The following C5 variants were observed in gnomAD, a reference collection of about 807,000 sequenced individuals.
The protein encoded by C5 is C3 and PZP-like alpha-2-macroglobulin domain-containing protein 4.
Under a neutral mutation model 218.8 loss-of-function variants are expected in C5, and 140 were observed. That is an observed-to-expected ratio of 0.64 (90% CI 0.56 to 0.74). C5 has a LOEUF of 0.74. C5 is among the 30% of genes least tolerant of loss of function. The probability of loss-of-function intolerance (pLI) is 0.00; values close to 1 mark genes in which losing one functional copy is unlikely to be tolerated. For synonymous variants in C5, 614 were observed against 682.3 expected, an observed-to-expected ratio of 0.90 and a Z score of 1.56; for missense variants, 1,700 against 1,969.6, an observed-to-expected ratio of 0.86 and a Z score of 2.59.
intron 12 of C5, among the ~76,000 whole-genome samples, chr9:121,019,065 T>A (rs1039996893): frequency 6.6e-6 from 1 of 151,630 alleles, no homozygotes. Flanking sequence ...TAAAAAAAAA[T>A]AGATGAATAA....
rs1220805457 is a variant in C5, at chr9:121,030,383, A to T, written c.758+14T>A. The T allele has an allele frequency of 6.0e-6, 8 of 1,324,190 alleles. No individual in the cohort carries two copies. Among genetic ancestry groups the T allele is most frequent in the Non-Finnish European group, 8.4e-6 (8 of 954,248 alleles). The allele number at this position is 1,324,190 out of a possible 1,614,324, so 82.0% of individuals were successfully genotyped here. ...AAATAAAAATAAAAACAACAAAAAA[A>T]CAAATGTTCTTACCTTGCTTTTATA... On this transcript the variant is annotated intron_variant, in intron 7 of 40. Transcript: ENST00000223642.
intron 4 of C5, among the ~76,000 whole-genome samples, chr9:121,037,069 T>C (rs1262461950): frequency 6.6e-6 from 1 of 152,036 alleles, no homozygotes; most frequent in African/African-American, 2.4e-5. Flanking sequence ...CTGTTACATA[T>C]GTCATGTCTG....
chr9:121,057,821 T>C, the C5 span, among the ~76,000 whole-genome samples: 1 of 152,136 alleles, frequency 6.6e-6, no homozygotes, highest in African/African-American at 2.4e-5. Context: ...AGAATCCTTT[T>C]TAGAAGGCAC....
At chr9:120,991,393 A>C (rs1042339590) in intron 22 of C5, 113 bp from the exon 23 acceptor site, 1 of 694,648 alleles carries the variant, frequency 1.4e-6, no homozygotes, top group African/African-American at 1.8e-5. Context: ...ACTTATAATT[A>C]GACTATTAAA....
intron 25 of C5, 37 bp downstream of exon 25, chr9:120,989,009 C>T: frequency 1.4e-6 from 2 of 1,412,044 alleles, no homozygotes; most frequent in Non-Finnish European, 2.0e-6. Flanking sequence ...GTTAATTAAC[C>T]ACTATATGAA....
In C5 at chr9:121,003,239, C is replaced by T. The variant is rs917097060; in HGVS notation, c.2562+2680G>A. ...TTGGGAAGCGGAGGCTGCAGTGAAC[C>T]GAGATTGTGCCATTGCACTCCAGCC... On this transcript the variant is annotated intron_variant, in intron 20 of 40. Coordinates refer to ENST00000223642, the MANE Select transcript of C5 (RefSeq NM_001735.3). Among the ~76,000 whole-genome samples, 15 of 151,660 alleles carry T rather than the reference C, an allele frequency of 9.9e-5. 1 individual carries two copies. Among genetic ancestry groups the T allele is most frequent in the Middle Eastern group, 6.8e-3 (2 of 294 alleles).
intron 12 of C5, among the ~76,000 whole-genome samples, chr9:121,019,644 C>T (rs35278247): frequency 5.3e-5 from 8 of 152,160 alleles, no homozygotes; most frequent in South Asian, 2.1e-4. Context: ...ATCAGGTTCT[C>T]GCTTTGGAAT....
chr9:121,052,316 G>A (rs1421033450), upstream of C5, among the ~76,000 whole-genome samples: 1 of 151,912 alleles, frequency 6.6e-6, no homozygotes, highest in Non-Finnish European at 1.5e-5. Flanking sequence ...AATTAGCCAG[G>A]CGTGGTGGCG....
At chr9:120,966,562 C>T (rs1228160377) in intron 33 of C5, among the ~76,000 whole-genome samples, 3 of 152,158 alleles carry the variant, frequency 2.0e-5, no homozygotes, top group South Asian at 2.1e-4. Flanking sequence ...GGCACTGATT[C>T]GAGCTCTGCC....
chr9:120,957,510 C>A, intron 38 of C5, 142 bp from the exon 39 acceptor site: 1 of 658,708 alleles, frequency 1.5e-6, no homozygotes, highest in Non-Finnish European at 2.8e-6. Context: ...AAGCCTTCCC[C>A]AATCCCCTCA....
chr9:121,002,286 A>ATGTG (rs2047175201), intron 20 of C5, among the ~76,000 whole-genome samples: 1 of 115,932 alleles, frequency 8.6e-6, no homozygotes, highest in Non-Finnish European at 1.8e-5. Context: ...ATATACGTAT[A>ATGTG]TATGTATATA....
intron 12 of C5, among the ~76,000 whole-genome samples, chr9:121,018,430 C>T (rs1429504583): frequency 6.6e-6 from 1 of 151,046 alleles, no homozygotes; most frequent in Non-Finnish European, 1.5e-5. Context: ...AAAAATTAGC[C>T]GGGCACTGTG....
chr9:120,996,063 C>T (rs2047114026), intron 22 of C5, among the ~76,000 whole-genome samples, 177 bp downstream of exon 22: 1 of 152,156 alleles, frequency 6.6e-6, no homozygotes, highest in South Asian at 2.1e-4. Flanking sequence ...AAATGATCCA[C>T]CCACCTCGGC....
In C5 at chr9:120,980,171, A is replaced by T. The variant is rs774245401; in HGVS notation, c.3570T>A (p.Ile1190=). 1 of 1,614,012 alleles carries T rather than the reference A, an allele frequency of 6.2e-7. No individual in the cohort carries two copies. Among genetic ancestry groups the T allele is most frequent in the South Asian group, 1.1e-5 (1 of 91,086 alleles). The change falls in exon 28 of 41, where the codon ATT becomes ATA. Residue 1190 remains isoleucine (I), a synonymous_variant. Transcript: ENST00000223642. ...LPAQSTFTLA[I]SAYALSLGDK... ...CTCCCAGGGAAAGAGCATACGCAGAAATGGCCAATGTAAAGGTGCTCTGGG... is the reference window on the plus strand; with the variant it reads ...CTCCCAGGGAAAGAGCATACGCAGATATGGCCAATGTAAAGGTGCTCTGGG...
chr9:121,066,939 A>G, the C5 span, among the ~76,000 whole-genome samples: 1 of 151,562 alleles, frequency 6.6e-6, no homozygotes, highest in Non-Finnish European at 1.5e-5. Flanking sequence ...AACATCCTTT[A>G]TTAATAAACA....
At chr9:121,044,944 C>T (rs979803982) in intron 2 of C5, among the ~76,000 whole-genome samples, 1 of 146,844 alleles carries the variant, frequency 6.8e-6, no homozygotes, top group Non-Finnish European at 1.5e-5. Flanking sequence ...GAAAGTAACA[C>T]TTTCTTTTTT....
At chr9:121,027,450 A>G (rs144126057) in intron 7 of C5, among the ~76,000 whole-genome samples, 176 bp from the exon 8 acceptor site, 1 of 152,340 alleles carries the variant, frequency 6.6e-6, no homozygotes, top group African/African-American at 2.4e-5. Flanking sequence ...ACTATACTAC[A>G]AGGCTACAGT....
chr9:121,074,860 G>A, the C5 span: 1 of 456,284 alleles, frequency 2.2e-6, no homozygotes, highest in Non-Finnish European at 4.4e-6. Context: ...CTGCAAAAGA[G>A]GCGGGAAACG....
At chr9:121,016,215 C>T in intron 15 of C5, 39 bp downstream of exon 15, 4 of 1,612,732 alleles carry the variant, frequency 2.5e-6, no homozygotes, top group Non-Finnish European at 3.4e-6. Flanking sequence ...GGCAAATGAT[C>T]AATGGGATTT....
Sources: gnomAD v4.1 joint callset for allele counts (sites outside exome capture counted in the v4.1 genomes callset) on GRCh38, gnomAD v4.1.1 for gene constraint, MANE v1.5 for transcripts, NCBI Gene and HGNC (gene_info 2026-07-23, HGNC 2026-07-21) for gene names.